The following CGGBP1 variants were observed in gnomAD, a reference collection of about 807,000 sequenced individuals.
CGGBP1 encodes the protein CGG triplet repeat binding protein 1, also known as CGG triplet repeat-binding protein 1.
In CGGBP1, 4 loss-of-function variants were observed where a neutral mutation model predicts 11.4. The observed-to-expected ratio is 0.35, with a 90% CI of 0.17 to 0.80. The LOEUF is 0.80. CGGBP1 is among the 30% of genes least tolerant of loss of function. The pLI is 0.52. For synonymous variants in CGGBP1, 76 were observed against 74.1 expected, an observed-to-expected ratio of 1.03 and a Z score of -0.13; for missense variants, 135 against 202.1, an observed-to-expected ratio of 0.67 and a Z score of 2.01.
chr3:88,087,562 T>TG (rs905576582), intron 2 of CGGBP1, among the ~76,000 whole-genome samples: 5 of 152,182 alleles, frequency 3.3e-5, no homozygotes, highest in Non-Finnish European at 7.4e-5. Flanking sequence ...TACAGTTTTC[T>TG]GGGGGACAGA....
In CGGBP1 at chr3:88,116,363, A is replaced by G. The variant is rs1414048616; in HGVS notation, c.-229+24607T>C. Among the ~76,000 whole-genome samples, 4 of 152,148 alleles carry G rather than the reference A, an allele frequency of 2.6e-5. No homozygotes were observed. In the East Asian group the frequency reaches 5.8e-4, roughly 22 times the overall value. ...TGGAGAAAACTCGTCCCTACTAAAA[A>G]TACAAAATTAGCAGGTCGTGGCGGC... On this transcript the variant is annotated intron_variant, in intron 2 of 3. Coordinates refer to the CGGBP1 transcript ENST00000462901.
At position 88,146,707 on chromosome 3, in the gene CGGBP1, C is replaced by T. The variant is rs182965679; in HGVS notation, c.-338+3004G>A. Among the ~76,000 whole-genome samples, 4 of 152,294 alleles carry T rather than the reference C, an allele frequency of 2.6e-5. No individual in the cohort carries two copies. In the East Asian group the frequency reaches 5.8e-4, roughly 22 times the overall value. On this transcript the variant is annotated intron_variant, in intron 1 of 3. Coordinates refer to the CGGBP1 transcript ENST00000462901. ...CCTCATCATGTAATTTTAGTTCATGCATTTGTCACTACTATTCCCGTTTTA... is the reference window on the plus strand; with the variant it reads ...CCTCATCATGTAATTTTAGTTCATGTATTTGTCACTACTATTCCCGTTTTA...
chr3:88,052,305 G>C lies in CGGBP1; in HGVS notation c.*3168C>G, dbSNP rs923952223. 1 of 152,468 alleles carries C rather than the reference G, an allele frequency of 6.6e-6. No individual in the cohort carries two copies. The highest frequency in any genetic ancestry group is 1.5e-5 in the Non-Finnish European group (1 of 68,000). 9.4% of individuals were successfully genotyped at this position (152,468 alleles called of 1,614,324 possible). A position where few individuals can be genotyped will look rare whatever the true frequency, so the allele number is the denominator to read the frequency against. ...CCAGAAGCTAAAGCAATTTCTTTTAGGCTAAGATTGGCAAAAAATCATAGA... is the reference window on the plus strand; with the variant it reads ...CCAGAAGCTAAAGCAATTTCTTTTACGCTAAGATTGGCAAAAAATCATAGA... On this transcript the variant is annotated 3_prime_UTR_variant, in exon 4 of 4. Transcript: ENST00000482016.
intron 3 of CGGBP1, chr3:88,056,515 T>C (rs1351764250): frequency 2.5e-5 from 3 of 117,834 alleles, no homozygotes; most frequent in African/African-American, 8.6e-5. Flanking sequence ...GTTTCCAAAA[T>C]TGTTCTGAGG....
At chr3:88,071,428 AAGTT>A (rs1477686618) in intron 2 of CGGBP1, among the ~76,000 whole-genome samples, 1 of 152,118 alleles carries the variant, frequency 6.6e-6, no homozygotes, top group East Asian at 1.9e-4. Flanking sequence ...GCGGATCACA[AAGTT>A]AGGAGATCGA....
chr3:88,075,688 T>A (rs1707761404), intron 2 of CGGBP1, among the ~76,000 whole-genome samples: 1 of 152,234 alleles, frequency 6.6e-6, no homozygotes, highest in African/African-American at 2.4e-5. Flanking sequence ...TCATTTCAGA[T>A]AAGCAGCTGG....
intron 2 of CGGBP1, among the ~76,000 whole-genome samples, chr3:88,065,366 T>G (rs1361303479): frequency 6.6e-6 from 1 of 152,178 alleles, no homozygotes; most frequent in Admixed American, 6.5e-5. Flanking sequence ...TTGTTTGTAA[T>G]AGTAAATCAT....
At chr3:88,116,620 G>T (rs1281714151) in intron 2 of CGGBP1, among the ~76,000 whole-genome samples, 2 of 151,638 alleles carry the variant, frequency 1.3e-5, no homozygotes, top group Non-Finnish European at 2.9e-5. Context: ...TGTTGTGTGT[G>T]TGTGTGTATA....
chr3:88,056,155 T>C (rs759946028), intron 3 of CGGBP1, 156 bp from the exon 4 acceptor site: 2 of 562,948 alleles, frequency 3.6e-6, no homozygotes, highest in Non-Finnish European at 6.0e-6. Context: ...TTACCTGAAA[T>C]ATATAAGGGA....
chr3:88,068,027 C>T (rs1194267629), intron 2 of CGGBP1, among the ~76,000 whole-genome samples: 1 of 152,032 alleles, frequency 6.6e-6, no homozygotes, highest in East Asian at 1.9e-4. Flanking sequence ...AAGGACAACA[C>T]TCAAAGCACA....
chr3:88,077,331 ATTGTT>A, intron 2 of CGGBP1, among the ~76,000 whole-genome samples: 1 of 139,716 alleles, frequency 7.2e-6, no homozygotes, highest in East Asian at 2.1e-4. Context: ...GCAGACTTAA[ATTGTT>A]TTTTTTTTTT....
At chr3:88,086,611 A>G (rs1291814873) in intron 2 of CGGBP1, among the ~76,000 whole-genome samples, 1 of 152,232 alleles carries the variant, frequency 6.6e-6, no homozygotes, top group Non-Finnish European at 1.5e-5. Flanking sequence ...GAATTTTGAT[A>G]TACAGATTCT....
At chr3:88,083,966 T>G (rs5024148) in intron 2 of CGGBP1, among the ~76,000 whole-genome samples, 118,834 of 150,258 alleles carry the variant, frequency 0.79, 48,004 homozygotes, top group South Asian at 0.91. Flanking sequence ...TATATATATA[T>G]AGAAAATATT....
At chr3:88,068,461 G>A (rs1707324669) in intron 2 of CGGBP1, among the ~76,000 whole-genome samples, 1 of 152,030 alleles carries the variant, frequency 6.6e-6, no homozygotes, top group Non-Finnish European at 1.5e-5. Flanking sequence ...CATATATAAT[G>A]TCATAACAAA....
At chr3:88,110,771 G>A (rs867506260) in intron 2 of CGGBP1, among the ~76,000 whole-genome samples, 1 of 152,060 alleles carries the variant, frequency 6.6e-6, no homozygotes, top group African/African-American at 2.4e-5. Flanking sequence ...GGAAACAAGA[G>A]GTTTCTAATT....
intron 2 of CGGBP1, among the ~76,000 whole-genome samples, chr3:88,093,404 T>A (rs758335253): frequency 6.6e-6 from 1 of 152,188 alleles, no homozygotes; most frequent in Non-Finnish European, 1.5e-5. Flanking sequence ...GATTTCAGCA[T>A]TCCAGGTAGA....
At chr3:88,104,678 T>G (rs1704626523) in intron 2 of CGGBP1, among the ~76,000 whole-genome samples, 1 of 152,134 alleles carries the variant, frequency 6.6e-6, no homozygotes. Flanking sequence ...AACTCTAGAG[T>G]AACCGCTAAA....
intron 2 of CGGBP1, among the ~76,000 whole-genome samples, chr3:88,094,269 C>T (rs1477426531): frequency 2.0e-5 from 3 of 152,058 alleles, no homozygotes; most frequent in Non-Finnish European, 4.4e-5. Context: ...TATTGGCCAT[C>T]GTTAGAAACT....
intron 2 of CGGBP1, among the ~76,000 whole-genome samples, chr3:88,074,573 C>A (rs1342485018): frequency 1.3e-5 from 2 of 152,062 alleles, no homozygotes; most frequent in Admixed American, 6.6e-5. Flanking sequence ...AACTCCTGAC[C>A]TCAAGTGATC....
Sources: allele counts gnomAD v4.1 joint callset (sites outside exome capture counted in the v4.1 genomes callset), GRCh38; gene constraint gnomAD v4.1.1; transcripts MANE v1.5; gene names NCBI Gene and HGNC (gene_info 2026-07-23, HGNC 2026-07-21).